DCDC2: variants seen among roughly 807,000 people sequenced by gnomAD.
The protein encoded by DCDC2 is doublecortin domain-containing protein 2.
In DCDC2, 40 loss-of-function variants were observed where a neutral mutation model predicts 50.2. The ratio of observed to expected loss-of-function variants is 0.80; its 90% CI spans 0.62 to 1.04. The LOEUF (loss-of-function observed/expected upper bound fraction) is 1.04, where lower values mean the gene tolerates loss of function less well. Among genes scored for constraint, DCDC2 ranks in the 50% least tolerant of loss-of-function variants. DCDC2 has a pLI of 0.00. For synonymous variants in DCDC2, 234 were observed against 210.6 expected, an observed-to-expected ratio of 1.11 and a Z score of -0.96; for missense variants, 570 against 581.9, an observed-to-expected ratio of 0.98 and a Z score of 0.21.
intron 2 of DCDC2, among the ~76,000 whole-genome samples, chr6:24,317,021 C>T (rs1345401443): frequency 2.0e-5 from 3 of 151,494 alleles, no homozygotes; most frequent in African/African-American, 7.3e-5. Context: ...ACAAATTTGA[C>T]TTCGTAAAAA....
chr6:24,173,019 T>TAATAATAATAATAATAATAAA lies in DCDC2; in HGVS notation c.*1710_*1711insTTTATTATTATTATTATTATT, dbSNP rs1187188310. ...ATAATAATAATAATAATAATAATAA[T>TAATAATAATAATAATAATAAA]AAAGATCAATTGGTCTATTTGCCTA... On this transcript the variant is annotated 3_prime_UTR_variant, in exon 10 of 10. Transcript: ENST00000378454. 6.7e-6 allele frequency: 1 copy of TAATAATAATAATAATAATAAA among 150,308 alleles called. No individual in the cohort carries two copies. The highest frequency in any genetic ancestry group is 1.9e-4 in the East Asian group (1 of 5,142). 9.3% of individuals were successfully genotyped at this position (150,308 alleles called of 1,614,324 possible).
intron 2 of DCDC2, among the ~76,000 whole-genome samples, chr6:24,306,363 A>C (rs1759472784): frequency 6.6e-6 from 1 of 152,174 alleles, no homozygotes. Flanking sequence ...CACTGGGCTC[A>C]ACATTGTCTT....
the DCDC2 span, among the ~76,000 whole-genome samples, chr6:24,382,354 T>A: frequency 2.0e-5 from 3 of 152,088 alleles, no homozygotes; most frequent in African/African-American, 7.2e-5. Flanking sequence ...ATATGCATAA[T>A]CACTAAGTAA....
chr6:24,227,017 A>G (rs1261396859), intron 7 of DCDC2, among the ~76,000 whole-genome samples: 1 of 152,184 alleles, frequency 6.6e-6, no homozygotes, highest in Non-Finnish European at 1.5e-5. Flanking sequence ...TGTGATATAA[A>G]TCTTAGAACA....
chr6:24,254,268 A>G (rs554410913), intron 7 of DCDC2, among the ~76,000 whole-genome samples: 31 of 152,338 alleles, frequency 2.0e-4, no homozygotes, highest in African/African-American at 7.2e-4. Context: ...AAGTAGGAAT[A>G]CAGTCTAAAA....
chr6:24,253,192 T>C lies in DCDC2; in HGVS notation c.922+24857A>G, dbSNP rs536320766. On this transcript the variant is annotated intron_variant, in intron 7 of 9. Transcript: ENST00000378454. ...AAGGAAATAAATATAAGGGTAGAGA[T>C]TAAATGAAAAATAAAACGAATGTAC... Among the ~76,000 whole-genome samples, 19 of 151,912 alleles carry C rather than the reference T, an allele frequency of 1.3e-4. No homozygotes were observed. In the South Asian group the frequency reaches 3.7e-3, roughly 30 times the overall value.
At chr6:24,360,300 C>A (rs1204839748), upstream of DCDC2, among the ~76,000 whole-genome samples, 1 of 152,128 alleles carries the variant, frequency 6.6e-6, no homozygotes, top group African/African-American at 2.4e-5. Context: ...CATGATCATG[C>A]GCTCATTCAT....
chr6:24,375,427 C>T, the DCDC2 span, among the ~76,000 whole-genome samples: 263 of 152,156 alleles, frequency 1.7e-3, no homozygotes, highest in Non-Finnish European at 2.9e-3. Context: ...ACTCCCCCCC[C>T]CAACCCCGCT....
chr6:24,296,356 C>T (rs539658367), intron 4 of DCDC2, among the ~76,000 whole-genome samples: 9 of 152,202 alleles, frequency 5.9e-5, no homozygotes, highest in East Asian at 3.9e-4. Flanking sequence ...AAACATAAAA[C>T]GCAAAACTAT....
At chr6:24,175,506 C>T (rs907160222) in intron 9 of DCDC2, among the ~76,000 whole-genome samples, 6 of 152,182 alleles carry the variant, frequency 3.9e-5, no homozygotes, top group African/African-American at 1.4e-4. Flanking sequence ...GGCACCCAGT[C>T]TGGGGGACAG....
intron 2 of DCDC2, among the ~76,000 whole-genome samples, chr6:24,306,535 T>C (rs1464101565): frequency 9.0e-4 from 107 of 119,208 alleles, no homozygotes; most frequent in African/African-American, 1.9e-3. Context: ...GATAGATAGA[T>C]AGATAGATAG....
rs558302626 is a variant in DCDC2 at position 24,301,952 on chromosome 6, A to C, written c.425+16T>G. 7 of 1,613,206 alleles carry C rather than the reference A, an allele frequency of 4.3e-6. No individual in the cohort carries two copies. The South Asian group carries it at 7.7e-5, about 18-fold the overall frequency. On this transcript the variant is annotated intron_variant, in intron 3 of 9. Coordinates refer to ENST00000378454, the MANE Select transcript of DCDC2 (RefSeq NM_016356.5). ...CAAGCCAATTTTAACTTGAAGTATA[A>C]AGGGTTTCAACTTACAAGATAGTGC... is the stretch of plus-strand genomic sequence containing the variant.
At chr6:24,280,133 A>G (rs1431392772) in intron 6 of DCDC2, among the ~76,000 whole-genome samples, 5 of 152,256 alleles carry the variant, frequency 3.3e-5, no homozygotes, top group African/African-American at 1.2e-4. Context: ...ATCCAGAAGC[A>G]TTTAAATGGA....
chr6:24,272,698 A>C (rs951184759), intron 7 of DCDC2, among the ~76,000 whole-genome samples: 7 of 152,222 alleles, frequency 4.6e-5, no homozygotes, highest in Non-Finnish European at 8.8e-5. Context: ...GGCTGTTCTG[A>C]AAAAGTCAAA....
intron 7 of DCDC2, among the ~76,000 whole-genome samples, chr6:24,255,334 G>C (rs1241542127): frequency 1.4e-5 from 2 of 148,002 alleles, no homozygotes; most frequent in South Asian, 2.1e-4. Flanking sequence ...TTTAACAGTA[G>C]AAGGTAAAAT....
intron 8 of DCDC2, among the ~76,000 whole-genome samples, chr6:24,193,478 GT>G (rs1164056333): frequency 3.3e-5 from 5 of 152,174 alleles, no homozygotes; most frequent in Non-Finnish European, 7.4e-5. Flanking sequence ...CTGAATGTAT[GT>G]GAATGTATCA....
chr6:24,233,954 C>A (rs1355026074), intron 7 of DCDC2, among the ~76,000 whole-genome samples: 1 of 152,110 alleles, frequency 6.6e-6, no homozygotes, highest in Admixed American at 6.5e-5. Flanking sequence ...AGCTTAAATG[C>A]AAATTATACC....
intron 6 of DCDC2, 124 bp downstream of exon 6, chr6:24,288,728 A>C (rs1581633375): frequency 1.3e-6 from 1 of 778,556 alleles, no homozygotes; most frequent in East Asian, 2.6e-5. Context: ...TGTTTCACAT[A>C]ATTGGTTATA....
chr6:24,306,282 T>C (rs1394769213), intron 2 of DCDC2, among the ~76,000 whole-genome samples: 1 of 152,138 alleles, frequency 6.6e-6, no homozygotes, highest in African/African-American at 2.4e-5. Flanking sequence ...TTTGACTTTG[T>C]CATTTGGTGA....
Sources: allele counts gnomAD v4.1 joint callset (sites outside exome capture counted in the v4.1 genomes callset), GRCh38; gene constraint gnomAD v4.1.1; transcripts MANE v1.5; gene names NCBI Gene and HGNC (gene_info 2026-07-23, HGNC 2026-07-21).